The following PPP1R12A variants were observed in gnomAD, a reference collection of about 807,000 sequenced individuals.
The protein encoded by PPP1R12A is myosin binding subunit.
A neutral mutation model predicts 139.6 loss-of-function variants in PPP1R12A; 19 were observed. The observed-to-expected ratio is 0.14, with a 90% CI of 0.09 to 0.20. The LOEUF (loss-of-function observed/expected upper bound fraction) is 0.20, where lower values mean the gene tolerates loss of function less well. Ranked by LOEUF, PPP1R12A falls within the 10% of genes least tolerant of loss-of-function variation. PPP1R12A has a pLI of 1.00. For missense variants in PPP1R12A, 925 were observed against 1,211.5 expected, an observed-to-expected ratio of 0.76 and a Z score of 3.51; for synonymous variants, 427 against 420.6, an observed-to-expected ratio of 1.02 and a Z score of -0.19.
intron 9 of PPP1R12A, among the ~76,000 whole-genome samples, chr12:79,813,556 T>G (rs1180259041): frequency 6.6e-6 from 1 of 152,174 alleles, no homozygotes; most frequent in Non-Finnish European, 1.5e-5. Flanking sequence ...GAAAATGCCA[T>G]TTACATTTTA....
chr12:79,832,651 T>A, intron 3 of PPP1R12A, 160 bp from the exon 4 acceptor site: 1 of 624,446 alleles, frequency 1.6e-6, no homozygotes, highest in Non-Finnish European at 2.5e-6. Flanking sequence ...CTAAAAAATG[T>A]GGGGATATTG....
rs1424548073 is a variant in PPP1R12A at position 79,775,333 on chromosome 12, C to T, written c.*596G>A. On this transcript the variant is annotated 3_prime_UTR_variant, in exon 25 of 25. Coordinates refer to ENST00000450142, the MANE Select transcript of PPP1R12A (RefSeq NM_002480.3). The stretch of plus-strand genomic sequence containing the variant: ...CAGGTGGGAGACAACACAGCATTAG[C>T]CTAATACATGACAATAATCACAGAA... The T allele has an allele frequency of 6.6e-6, 1 of 152,474 alleles. No individual in the cohort carries two copies. Among genetic ancestry groups the T allele is most frequent in the East Asian group, 1.9e-4 (1 of 5,194 alleles). 9.4% of individuals were successfully genotyped at this position (152,474 alleles called of 1,614,324 possible).
chr12:79,891,941 A>G (rs1429805615), intron 1 of PPP1R12A, among the ~76,000 whole-genome samples: 1 of 152,206 alleles, frequency 6.6e-6, no homozygotes, highest in Non-Finnish European at 1.5e-5. Context: ...CTCGAGGAAA[A>G]TATCATGAGA....
At position 79,805,667 on chromosome 12, in the gene PPP1R12A, G is replaced by T; in HGVS notation, c.1925C>A (p.Ala642Glu). 6.2e-7 allele frequency: 1 copy of T among 1,613,802 alleles called. No individual in the cohort carries two copies. The highest frequency in any genetic ancestry group is 1.1e-5 in the South Asian group (1 of 91,062). Residue 642 changes from alanine to glutamate, a missense_variant, in exon 14 of 25, where the codon GCA becomes GAA. Around this residue, in one of 4 missense-constraint regions of PPP1R12A, gnomAD observed 403 missense variants for 463.7 expected, o/e 0.87. Coordinates refer to ENST00000450142, the MANE Select transcript of PPP1R12A (RefSeq NM_002480.3). ...TGTAGTCAGGGTTGTGGTAGAAGCTGCAGCATTTACAACAGTTGGAGCAAC... is the reference window on the plus strand; with the variant it reads ...TGTAGTCAGGGTTGTGGTAGAAGCTTCAGCATTTACAACAGTTGGAGCAAC... The part of the protein sequence containing the change: ...IPVAPTVVNA[A>E]ASTTTLTTTT...
At chr12:79,813,300 CCTT>C (rs1874843771) in intron 9 of PPP1R12A, among the ~76,000 whole-genome samples, 1 of 152,086 alleles carries the variant, frequency 6.6e-6, no homozygotes, top group African/African-American at 2.4e-5. Flanking sequence ...GTTTACAAGC[CCTT>C]CTTCTCTCAG....
chr12:79,899,202 T>C (rs1376258381), intron 1 of PPP1R12A, among the ~76,000 whole-genome samples: 1 of 148,172 alleles, frequency 6.7e-6, no homozygotes, highest in Non-Finnish European at 1.5e-5. Context: ...TGATGCAAAA[T>C]TTAGATACAA....
chr12:79,894,600 T>G (rs1884963159), intron 1 of PPP1R12A, among the ~76,000 whole-genome samples: 1 of 152,154 alleles, frequency 6.6e-6, no homozygotes, highest in Non-Finnish European at 1.5e-5. Flanking sequence ...TATAAAATAT[T>G]ATGATCAAAT....
intron 2 of PPP1R12A, among the ~76,000 whole-genome samples, chr12:79,868,285 T>C (rs971206917): frequency 3.9e-5 from 6 of 152,198 alleles, no homozygotes; most frequent in African/African-American, 1.4e-4. Flanking sequence ...GGCTCTAAAA[T>C]CATTTGCCTT....
intron 4 of PPP1R12A, among the ~76,000 whole-genome samples, chr12:79,830,082 TA>T (rs1233711153): frequency 6.6e-6 from 1 of 151,740 alleles, no homozygotes; most frequent in Non-Finnish European, 1.5e-5. Context: ...TTAACTTTCA[TA>T]AGTAATATGT....
Position 79,835,119 on chromosome 12 carries a change from C to T in PPP1R12A, c.488-2628G>A, listed in dbSNP as rs142463698. On this transcript the variant is annotated intron_variant, in intron 3 of 24. Coordinates refer to ENST00000450142, the MANE Select transcript of PPP1R12A (RefSeq NM_002480.3). ...GAAAAAGGAGGATTTGCTCTTTCTG[C>T]TTGCTCTCTCCCTTCAGGAGGAGGA... Among the ~76,000 whole-genome samples, 273 of 152,186 alleles carry T rather than the reference C, an allele frequency of 1.8e-3. 1 individual carries two copies. The highest frequency in any genetic ancestry group is 6.3e-3 in the African/African-American group (260 of 41,546).
At chr12:79,816,651 A>G (rs1450249771) in intron 9 of PPP1R12A, among the ~76,000 whole-genome samples, 2 of 152,174 alleles carry the variant, frequency 1.3e-5, no homozygotes, top group East Asian at 3.8e-4. Context: ...GATGAGAGGG[A>G]TGGAGAACAG....
chr12:79,832,108 G>A (rs1301923930), intron 4 of PPP1R12A, among the ~76,000 whole-genome samples: 2 of 152,082 alleles, frequency 1.3e-5, no homozygotes, highest in Non-Finnish European at 2.9e-5. Context: ...CAACTTACTG[G>A]AAAATCACAA....
At chr12:79,890,780 A>T (rs1005067555) in intron 1 of PPP1R12A, among the ~76,000 whole-genome samples, 6 of 152,084 alleles carry the variant, frequency 3.9e-5, no homozygotes, top group African/African-American at 1.4e-4. Flanking sequence ...AGGCCATCAG[A>T]CATAAGCATA....
chr12:79,870,433 A>G (rs1408077458), intron 2 of PPP1R12A, among the ~76,000 whole-genome samples: 1 of 152,210 alleles, frequency 6.6e-6, no homozygotes, highest in African/African-American at 2.4e-5. Context: ...GATAAAAATG[A>G]GCATTCGGAA....
chr12:79,912,769 T>A lies in PPP1R12A; in HGVS notation c.237+21926A>T, dbSNP rs545103015. ...TTATCACCTAATCATAATAAGAGAA[T>A]CCCTATCAACTATAAACATTTTTAT... On this transcript the variant is annotated intron_variant, in intron 1 of 24. Coordinates refer to ENST00000450142, the MANE Select transcript of PPP1R12A (RefSeq NM_002480.3). Among the ~76,000 whole-genome samples the A allele has an allele frequency of 1.4e-3, 215 of 151,836 alleles. 1 individual carries two copies. Among genetic ancestry groups the A allele is most frequent in the African/African-American group, 5.0e-3 (206 of 41,418 alleles).
In PPP1R12A at chr12:79,855,886, T is replaced by C. The variant is rs932377551; in HGVS notation, c.369-10466A>G. On this transcript the variant is annotated intron_variant, in intron 2 of 24. Coordinates refer to ENST00000450142, the MANE Select transcript of PPP1R12A (RefSeq NM_002480.3). ...CTGTGGGAAGTAGTACATTTTTATA[T>C]GACTGAAATTATGTTATCTAAAGGA... Among the ~76,000 whole-genome samples the C allele has an allele frequency of 2.1e-4, 32 of 152,178 alleles. No individual in the cohort carries two copies. In the South Asian group the frequency reaches 3.9e-3, roughly 19 times the overall value.
chr12:79,902,572 C>A (rs565362115), intron 1 of PPP1R12A, among the ~76,000 whole-genome samples: 6 of 151,456 alleles, frequency 4.0e-5, no homozygotes, highest in African/African-American at 1.5e-4. Flanking sequence ...TTTCAAACTT[C>A]AAAAAAAAAT....
intron 3 of PPP1R12A, among the ~76,000 whole-genome samples, chr12:79,842,575 TTGTGTGTGTG>T (rs148792533): frequency 6.3e-4 from 90 of 143,910 alleles, no homozygotes; most frequent in African/African-American, 1.6e-3. Context: ...ATGTGGCACT[TTGTGTGTGTG>T]TGTGTGTGTG....
chr12:79,907,012 T>C (rs930113390), intron 1 of PPP1R12A, among the ~76,000 whole-genome samples: 2 of 152,166 alleles, frequency 1.3e-5, no homozygotes, highest in African/African-American at 4.8e-5. Context: ...TAAATCTCTT[T>C]ACATCCATGC....
Sources: allele counts gnomAD v4.1 joint callset (sites outside exome capture counted in the v4.1 genomes callset), GRCh38; gene constraint gnomAD v4.1.1; regional missense constraint gnomAD v4.1.1; transcripts MANE v1.5; gene names NCBI Gene and HGNC (gene_info 2026-07-23, HGNC 2026-07-21).